Variants in FOXP4 observed in about 807,000 individuals in gnomAD.
FOXP4 encodes forkhead box P4.
A neutral mutation model predicts 82.6 loss-of-function variants in FOXP4; 25 were observed. That is an observed-to-expected ratio of 0.30 (90% CI 0.22 to 0.42). The LOEUF (loss-of-function observed/expected upper bound fraction) is 0.42. Among genes scored for constraint, FOXP4 ranks in the 10% least tolerant of loss-of-function variants. The pLI, the probability that FOXP4 is intolerant of heterozygous loss-of-function variation, is 1.00. For missense variants in FOXP4, 785 were observed against 900.9 expected (o/e 0.87, Z 1.65); for synonymous variants, 415 against 388.2 (o/e 1.07, Z -0.81).
chr6:41,559,459 C>A (rs1764447990), intron 1 of FOXP4, among the ~76,000 whole-genome samples: 1 of 152,138 alleles, frequency 6.6e-6, no homozygotes, highest in Non-Finnish European at 1.5e-5. Flanking sequence ...ATGGCTAAAG[C>A]CCCACTGGTT....
chr6:41,584,417 T>C (rs1765975251), intron 3 of FOXP4, among the ~76,000 whole-genome samples: 1 of 152,344 alleles, frequency 6.6e-6, no homozygotes, highest in Non-Finnish European at 1.5e-5. Flanking sequence ...CTGACCAGTG[T>C]CACTACAGCC....
intron 2 of FOXP4, among the ~76,000 whole-genome samples, chr6:41,569,728 C>T (rs1252528372): frequency 6.6e-6 from 1 of 152,164 alleles, no homozygotes; most frequent in Non-Finnish European, 1.5e-5. Context: ...CTCCCATTGT[C>T]CATGGGTTGC....
intron 1 of FOXP4, among the ~76,000 whole-genome samples, chr6:41,554,813 T>C (rs1764185866): frequency 6.6e-6 from 1 of 151,626 alleles, no homozygotes; most frequent in African/African-American, 2.4e-5. Flanking sequence ...TGAGCCGAGA[T>C]TGTGCCACTG....
rs150731596 is a variant in FOXP4, at chr6:41,566,905, G to T, written c.204+941G>T. 8.5e-5 allele frequency among the ~76,000 whole-genome samples: 13 copies of T among 152,308 alleles called. No individual in the cohort carries two copies. The East Asian group carries it at 2.3e-3, about 27-fold the overall frequency. On this transcript the variant is annotated intron_variant, in intron 2 of 16. Transcript: ENST00000307972. Reference sequence around the variant, plus strand: ...CTGCCTCATGCGTGCACACGTGTGTGTACCACAGTACCCTCATGTGCTCCT... The same window carrying T: ...CTGCCTCATGCGTGCACACGTGTGTTTACCACAGTACCCTCATGTGCTCCT...
At position 41,597,232 on chromosome 6, in the gene FOXP4, C is replaced by T. The variant is rs1471203291; in HGVS notation, c.1715C>T (p.Ala572Val). 6.2e-7 allele frequency: 1 copy of T among 1,614,126 alleles called. No individual in the cohort carries two copies. The highest frequency in any genetic ancestry group is 2.2e-5 in the East Asian group (1 of 44,878). Residue 572 changes from alanine to valine, a missense_variant, in exon 15 of 17, where the codon GCC becomes GTC. Around this residue, in one of 3 missense-constraint regions of FOXP4, gnomAD observed 184 missense variants for 187.3 expected, o/e 0.98. Coordinates refer to ENST00000307972, the MANE Select transcript of FOXP4 (RefSeq NM_001012426.2). Reference protein sequence around the residue: ...ISGLSYGALNASYQAALAESS... With the variant: ...ISGLSYGALNVSYQAALAESS... ...GGCCTCAGCTATGGAGCACTTAATG[C>T]CAGCTACCAGGTGACCTGCCCAGAG...
chr6:41,576,698 A>C lies in FOXP4; in HGVS notation c.205-1288A>C, dbSNP rs1765508468. On this transcript the variant is annotated intron_variant, in intron 2 of 16. Coordinates refer to ENST00000307972, the MANE Select transcript of FOXP4 (RefSeq NM_001012426.2). ...TTCCCGAATGCCAACTGGATGCCAAACATTGGTCCTTTAATCCCCCTAGTA... is the reference window on the plus strand; with the variant it reads ...TTCCCGAATGCCAACTGGATGCCAACCATTGGTCCTTTAATCCCCCTAGTA... Among the ~76,000 whole-genome samples the C allele has an allele frequency of 2.6e-5, 4 of 152,306 alleles. 1 individual carries two copies. The South Asian group carries it at 8.3e-4, about 32-fold the overall frequency.
At chr6:41,569,684 C>T (rs1162138566) in intron 2 of FOXP4, among the ~76,000 whole-genome samples, 1 of 152,142 alleles carries the variant, frequency 6.6e-6, no homozygotes, top group Non-Finnish European at 1.5e-5. Context: ...GCTGAGGCCA[C>T]GCTGAAAGGC....
intron 13 of FOXP4, among the ~76,000 whole-genome samples, chr6:41,594,479 C>T (rs767406503): frequency 1.8e-4 from 27 of 152,120 alleles, no homozygotes; most frequent in Admixed American, 2.6e-4. Flanking sequence ...GCAGAGATGC[C>T]GGGGCCCGAA....
intron 4 of FOXP4, among the ~76,000 whole-genome samples, 162 bp from the exon 5 acceptor site, chr6:41,585,269 G>A (rs545946001): frequency 3.3e-5 from 5 of 152,182 alleles, no homozygotes; most frequent in South Asian, 2.1e-4. Flanking sequence ...CCCTCCCTCC[G>A]CACCCAGACC....
At chr6:41,592,175 C>T (rs1766558988) in intron 13 of FOXP4, among the ~76,000 whole-genome samples, 2 of 152,100 alleles carry the variant, frequency 1.3e-5, no homozygotes, top group African/African-American at 4.8e-5. Context: ...CTGCTGGCCA[C>T]TGAAGAAACT....
chr6:41,591,148 G>T lies in FOXP4; in HGVS notation c.1435-73G>T, dbSNP rs114499593. 3 of 1,246,906 alleles carry T rather than the reference G, an allele frequency of 2.4e-6. No individual in the cohort carries two copies. In the African/African-American group the frequency reaches 4.4e-5, roughly 18 times the overall value. The allele number at this position is 1,246,906 out of a possible 1,614,324, so 77.2% of individuals were successfully genotyped here. ...GGGCTAGGCAGAAGGGAGAGGTACT[G>T]GGGGAGGGAACCCAGGGCTGTGACC... On this transcript the variant is annotated intron_variant, in intron 12 of 16. Coordinates refer to ENST00000307972, the MANE Select transcript of FOXP4 (RefSeq NM_001012426.2). This position sits in a 1 kb window ranked among gnomAD's most constrained non-coding sequence, Gnocchi z 4.2.
In FOXP4 at chr6:41,599,229, G is replaced by T; in HGVS notation, c.*293G>T. On this transcript the variant is annotated 3_prime_UTR_variant, in exon 17 of 17. Transcript: ENST00000307972. ...AACTGCCTCCCCCCAACCACCAGCAGCAGCAGGGCCCTCCTCCCCCACCAG... is the reference window on the plus strand; with the variant it reads ...AACTGCCTCCCCCCAACCACCAGCATCAGCAGGGCCCTCCTCCCCCACCAG... 1 of 261,078 alleles carries T rather than the reference G, an allele frequency of 3.8e-6. No individual in the cohort carries two copies. The highest frequency in any genetic ancestry group is 1.0e-4 in the South Asian group (1 of 9,934). 16.2% of individuals were successfully genotyped at this position (261,078 alleles called of 1,614,324 possible).
At chr6:41,598,307 C>G (rs1002885646) in intron 16 of FOXP4, among the ~76,000 whole-genome samples, 1 of 151,092 alleles carries the variant, frequency 6.6e-6, no homozygotes, top group African/African-American at 2.4e-5. Context: ...ACCTCTGCCT[C>G]CTGGGTTCAA....
intron 1 of FOXP4, among the ~76,000 whole-genome samples, chr6:41,551,831 C>T (rs1764014865): frequency 1.3e-5 from 2 of 152,122 alleles, no homozygotes; most frequent in African/African-American, 4.8e-5. Flanking sequence ...ATCCATCCTA[C>T]GAACACACTG....
chr6:41,565,162 G>A (rs1410813048), intron 1 of FOXP4, among the ~76,000 whole-genome samples: 1 of 152,082 alleles, frequency 6.6e-6, no homozygotes, highest in Non-Finnish European at 1.5e-5. Flanking sequence ...AGACCAGCCT[G>A]GCCGACATGG....
intron 2 of FOXP4, chr6:41,570,374 T>C (rs1433706883): frequency 8.5e-6 from 4 of 471,118 alleles, no homozygotes; most frequent in African/African-American, 8.0e-5. Context: ...GAAACTGCCC[T>C]TTCCTCCTTG....
intron 1 of FOXP4, among the ~76,000 whole-genome samples, chr6:41,548,196 C>T (rs751908623): frequency 6.6e-6 from 1 of 152,124 alleles, no homozygotes; most frequent in Non-Finnish European, 1.5e-5. Flanking sequence ...CCTGGCGTTT[C>T]GGGCGTCTGG....
chr6:41,556,060 A>G (rs1027756720), intron 1 of FOXP4, among the ~76,000 whole-genome samples: 1 of 152,128 alleles, frequency 6.6e-6, no homozygotes, highest in Admixed American at 6.5e-5. Flanking sequence ...AGTAAAAGGT[A>G]AGGTGGAGGG....
intron 2 of FOXP4, among the ~76,000 whole-genome samples, chr6:41,575,170 A>G (rs1302971494): frequency 2.6e-5 from 4 of 151,922 alleles, no homozygotes; most frequent in Non-Finnish European, 4.4e-5. Flanking sequence ...GGGTTTCACC[A>G]TGTTAGCCAG....
Sources: allele counts gnomAD v4.1 joint callset (sites outside exome capture counted in the v4.1 genomes callset), GRCh38; gene constraint gnomAD v4.1.1; regional missense constraint gnomAD v4.1.1; non-coding constraint Gnocchi (gnomAD v3.1); transcripts MANE v1.5; gene names NCBI Gene and HGNC (gene_info 2026-07-23, HGNC 2026-07-21).